PDE10A: variants seen among roughly 807,000 people sequenced by gnomAD.
PDE10A encodes the protein cAMP and cAMP-inhibited cGMP 3',5'-cyclic phosphodiesterase 10A.
Under a neutral mutation model 97.7 loss-of-function variants are expected in PDE10A, and 39 were observed. The ratio of observed to expected loss-of-function variants is 0.40; its 90% CI spans 0.31 to 0.52. The LOEUF is 0.52. Among genes scored for constraint, PDE10A ranks in the 20% least tolerant of loss-of-function variants. The pLI, the probability that PDE10A is intolerant of heterozygous loss-of-function variation, is 0.56. For synonymous variants in PDE10A, 371 were observed against 376.8 expected (o/e 0.98, Z 0.18); for missense variants, 731 against 1,047.8 (o/e 0.70, Z 4.17).
intron 1 of PDE10A, among the ~76,000 whole-genome samples, chr6:165,826,680 C>T (rs553856812): frequency 2.0e-5 from 3 of 152,214 alleles, no homozygotes; most frequent in African/African-American, 7.2e-5. Flanking sequence ...AGGGTCTCCA[C>T]TGACCAGAGG....
intron 1 of PDE10A, among the ~76,000 whole-genome samples, chr6:165,910,196 T>C (rs1330474509): frequency 1.3e-5 from 2 of 152,002 alleles, no homozygotes; most frequent in African/African-American, 4.8e-5. Flanking sequence ...TGCAGAGACA[T>C]AGAGATGGGG....
At chr6:165,831,164 C>T (rs1396469501) in intron 1 of PDE10A, among the ~76,000 whole-genome samples, 1 of 151,678 alleles carries the variant, frequency 6.6e-6, no homozygotes, top group Non-Finnish European at 1.5e-5. Flanking sequence ...GTGGGTGGCT[C>T]ACGAGGTCAA....
intron 1 of PDE10A, among the ~76,000 whole-genome samples, chr6:165,788,748 G>A (rs893388602): frequency 6.6e-6 from 1 of 152,042 alleles, no homozygotes; most frequent in Non-Finnish European, 1.5e-5. Context: ...AAAGCAGGAT[G>A]GTTATTTAAA....
chr6:165,394,860 ATTC>A (rs1786021069), intron 15 of PDE10A, among the ~76,000 whole-genome samples: 1 of 152,056 alleles, frequency 6.6e-6, no homozygotes, highest in African/African-American at 2.4e-5. Context: ...GCTGTATAAA[ATTC>A]TTGTCAGTAG....
intron 1 of PDE10A, among the ~76,000 whole-genome samples, chr6:165,647,226 T>C (rs963989773): frequency 4.6e-5 from 7 of 152,154 alleles, no homozygotes; most frequent in African/African-American, 1.7e-4. Flanking sequence ...AAAGCAAATA[T>C]AAGCTACAGT....
chr6:165,528,685 G>T (rs1782593610), intron 2 of PDE10A, among the ~76,000 whole-genome samples: 1 of 152,188 alleles, frequency 6.6e-6, no homozygotes, highest in Admixed American at 6.5e-5. Flanking sequence ...ACACAGCAGT[G>T]CCTCTGACCC....
chr6:165,725,597 C>T (rs926816895), intron 1 of PDE10A, among the ~76,000 whole-genome samples: 2 of 151,940 alleles, frequency 1.3e-5, no homozygotes, highest in African/African-American at 4.8e-5. Context: ...TAGGGGAGGC[C>T]CGTGGAGTCA....
chr6:165,884,547 CT>C (rs1305790214), intron 1 of PDE10A, among the ~76,000 whole-genome samples: 2 of 152,190 alleles, frequency 1.3e-5, no homozygotes, highest in African/African-American at 2.4e-5. Context: ...TGTCTCCCCC[CT>C]GAAACTCCCA....
intron 1 of PDE10A, among the ~76,000 whole-genome samples, chr6:165,737,658 G>A (rs114705215): frequency 6.6e-6 from 1 of 152,190 alleles, no homozygotes; most frequent in African/African-American, 2.4e-5. Context: ...TGGTATAGAA[G>A]AAATGTACCT....
chr6:165,502,109 A>G (rs1780925428), intron 2 of PDE10A, among the ~76,000 whole-genome samples: 1 of 152,236 alleles, frequency 6.6e-6, no homozygotes, highest in Admixed American at 6.5e-5. Flanking sequence ...CTTACCTCAC[A>G]CAATACATAA....
At chr6:165,960,368 C>T (rs750576869) in intron 1 of PDE10A, among the ~76,000 whole-genome samples, 8 of 152,162 alleles carry the variant, frequency 5.3e-5, no homozygotes, top group Admixed American at 1.3e-4. Flanking sequence ...TGCAGAAGCA[C>T]GTGGAGGCCT....
rs186992674 is a variant in PDE10A, at chr6:165,918,659, G to A, written c.-615+68870C>T. ...CTATAGTAGCTCATAAAGCACATTC[G>A]TTGACATTCTTCAAACAAATTTGGC... On this transcript the variant is annotated intron_variant, in intron 1 of 19. Coordinates refer to the PDE10A transcript ENST00000366882. Among the ~76,000 whole-genome samples, 15 of 152,266 alleles carry A rather than the reference G, an allele frequency of 9.9e-5. 1 individual carries two copies. The highest frequency in any genetic ancestry group is 1.0e-4 in the Non-Finnish European group (7 of 68,018).
intron 3 of PDE10A, among the ~76,000 whole-genome samples, chr6:165,479,729 C>A (rs1779495596): frequency 6.6e-6 from 1 of 152,068 alleles, no homozygotes; most frequent in South Asian, 2.1e-4. Flanking sequence ...ACCATTGTAT[C>A]CACAGCACCT....
intron 1 of PDE10A, among the ~76,000 whole-genome samples, chr6:165,759,908 T>G (rs559693570): frequency 6.6e-6 from 1 of 152,192 alleles, no homozygotes; most frequent in African/African-American, 2.4e-5. Context: ...GCTCTAAAAC[T>G]TGTCTAGTAA....
chr6:165,782,268 A>G (rs1355560624), intron 1 of PDE10A, among the ~76,000 whole-genome samples: 1 of 152,204 alleles, frequency 6.6e-6, no homozygotes, highest in Non-Finnish European at 1.5e-5. Flanking sequence ...CAGGAATTTG[A>G]TTTATTGCTT....
At chr6:165,442,260 A>C (rs1583292980) in intron 5 of PDE10A, among the ~76,000 whole-genome samples, 1 of 152,112 alleles carries the variant, frequency 6.6e-6, no homozygotes, top group Non-Finnish European at 1.5e-5. Flanking sequence ...GTCATTTAGC[A>C]TTAGGTATAT....
intron 1 of PDE10A, among the ~76,000 whole-genome samples, chr6:165,873,536 C>T (rs1781257742): frequency 6.6e-6 from 1 of 152,054 alleles, no homozygotes. Context: ...CGCAAGAGAG[C>T]AACACCTGCT....
At chr6:165,840,904 T>G (rs1385892266) in intron 1 of PDE10A, among the ~76,000 whole-genome samples, 1 of 152,234 alleles carries the variant, frequency 6.6e-6, no homozygotes, top group Admixed American at 6.5e-5. Flanking sequence ...TGAACATGCC[T>G]GGGGGCTCAG....
intron 1 of PDE10A, among the ~76,000 whole-genome samples, chr6:165,893,521 TGAC>T (rs1781858935): frequency 6.6e-6 from 1 of 152,220 alleles, no homozygotes; most frequent in Non-Finnish European, 1.5e-5. Flanking sequence ...TTAATTAATT[TGAC>T]GGAGGAAACA....
Sources: allele counts gnomAD v4.1 joint callset (sites outside exome capture counted in the v4.1 genomes callset), GRCh38; gene constraint gnomAD v4.1.1; transcripts MANE v1.5; gene names NCBI Gene and HGNC (gene_info 2026-07-23, HGNC 2026-07-21).